AOPEP: variants seen among roughly 807,000 people sequenced by gnomAD.
AOPEP encodes the protein aminopeptidase O (putative).
A neutral mutation model predicts 98.1 loss-of-function variants in AOPEP; 77 were observed. The observed-to-expected ratio is 0.78, with a 90% CI of 0.65 to 0.95. The LOEUF is 0.95. Among genes scored for constraint, AOPEP ranks in the 40% least tolerant of loss-of-function variants. The pLI is 0.00. For synonymous variants in AOPEP, 346 were observed against 365.3 expected (o/e 0.95, Z 0.60); for missense variants, 1,024 against 1,024.7 (o/e 1.00, Z 0.01).
At chr9:94,778,872 C>A (rs1842720918) in intron 3 of AOPEP, among the ~76,000 whole-genome samples, 1 of 151,806 alleles carries the variant, frequency 6.6e-6, no homozygotes, top group Non-Finnish European at 1.5e-5. Flanking sequence ...TACAAAAATA[C>A]AAAAAAATTA....
At chr9:94,908,340 C>T (rs2051479085) in intron 5 of AOPEP, among the ~76,000 whole-genome samples, 1 of 152,304 alleles carries the variant, frequency 6.6e-6, no homozygotes, top group East Asian at 1.9e-4. Context: ...TCCCATCCCA[C>T]AGAGTAAATC....
intron 9 of AOPEP, among the ~76,000 whole-genome samples, chr9:94,961,213 A>AG (rs1005997035): frequency 6.6e-6 from 1 of 152,166 alleles, no homozygotes; most frequent in Non-Finnish European, 1.5e-5. Flanking sequence ...AGATGACAGA[A>AG]GAATTCTTTC....
At position 95,005,537 on chromosome 9, in the gene AOPEP, C is replaced by A; in HGVS notation, c.2041-5C>A. 2 of 1,613,554 alleles carry A rather than the reference C, an allele frequency of 1.2e-6. No individual in the cohort carries two copies. Among genetic ancestry groups the A allele is most frequent in the Non-Finnish European group, 1.7e-6 (2 of 1,179,626 alleles). Reference sequence around the variant, plus strand: ...CTTTGAAATGCTGTGGTTTTTGAACCTCAGGTCACGAAATGGATTGGAGTG... The same window carrying A: ...CTTTGAAATGCTGTGGTTTTTGAACATCAGGTCACGAAATGGATTGGAGTG... On this transcript the variant is annotated splice_polypyrimidine_tract_variant and splice_region_variant and intron_variant, in intron 12 of 16. Coordinates refer to ENST00000375315, the MANE Select transcript of AOPEP (RefSeq NM_001193329.3).
chr9:95,080,369 T>A (rs10821446), intron 14 of AOPEP, among the ~76,000 whole-genome samples: 30,614 of 151,866 alleles, frequency 0.2, 3,225 homozygotes, highest in Middle Eastern at 0.32. Context: ...CTACAAAAAT[T>A]AGTGGGGCAT....
At chr9:95,077,784 T>A (rs1372121154) in intron 14 of AOPEP, among the ~76,000 whole-genome samples, 2 of 152,230 alleles carry the variant, frequency 1.3e-5, no homozygotes, top group Non-Finnish European at 2.9e-5. Context: ...TAAGTGAGAC[T>A]GATGTCATCC....
At position 94,758,387 on chromosome 9, in the gene AOPEP, T is replaced by C. The variant is rs369659609; in HGVS notation, c.-135-1262T>C. ...TGCAGGAGGCAGGATTTTTTAAGGTTAGGTGAGATTTTGAAGAGGAAATAG... is the reference window on the plus strand; with the variant it reads ...TGCAGGAGGCAGGATTTTTTAAGGTCAGGTGAGATTTTGAAGAGGAAATAG... On this transcript the variant is annotated intron_variant, in intron 1 of 16. Coordinates refer to ENST00000375315, the MANE Select transcript of AOPEP (RefSeq NM_001193329.3). Among the ~76,000 whole-genome samples the C allele has an allele frequency of 2.6e-5, 4 of 152,290 alleles. No homozygotes were observed. In the East Asian group the frequency reaches 7.7e-4, roughly 29 times the overall value.
intron 14 of AOPEP, among the ~76,000 whole-genome samples, chr9:95,062,620 C>T (rs1265203418): frequency 2.0e-5 from 3 of 152,178 alleles, no homozygotes; most frequent in African/African-American, 4.8e-5. Context: ...AAAGGAGGGA[C>T]GAGATTACTA....
intron 13 of AOPEP, among the ~76,000 whole-genome samples, chr9:95,036,543 A>G (rs1783604558): frequency 1.3e-5 from 2 of 152,158 alleles, no homozygotes; most frequent in African/African-American, 4.8e-5. Context: ...AATATCTGCC[A>G]TAAAGTATGT....
chr9:94,986,700 A>G (rs1370001805), intron 11 of AOPEP, among the ~76,000 whole-genome samples: 1 of 152,064 alleles, frequency 6.6e-6, no homozygotes, highest in African/African-American at 2.4e-5. Flanking sequence ...CGTGTTGTGT[A>G]ACATTGGGGC....
At chr9:94,786,262 T>C (rs1414175815) in intron 3 of AOPEP, among the ~76,000 whole-genome samples, 1 of 152,206 alleles carries the variant, frequency 6.6e-6, no homozygotes, top group African/African-American at 2.4e-5. Context: ...CAAGATACTA[T>C]GATAATTCTC....
intron 5 of AOPEP, among the ~76,000 whole-genome samples, chr9:94,812,684 GC>G (rs1564180409): frequency 2.0e-5 from 3 of 152,106 alleles, no homozygotes; most frequent in Admixed American, 6.5e-5. Flanking sequence ...TTCACTCTGT[GC>G]CCCTGCCCTT....
chr9:94,851,091 T>C (rs2043491244), intron 5 of AOPEP, among the ~76,000 whole-genome samples: 1 of 152,200 alleles, frequency 6.6e-6, no homozygotes, highest in Admixed American at 6.5e-5. Flanking sequence ...TGACAGTCTA[T>C]ACTTGGAGGT....
At chr9:94,865,754 G>T (rs2045632167) in intron 5 of AOPEP, among the ~76,000 whole-genome samples, 1 of 152,180 alleles carries the variant, frequency 6.6e-6, no homozygotes, top group South Asian at 2.1e-4. Flanking sequence ...TATATGCATA[G>T]GTTCTCACAG....
Position 94,999,084 on chromosome 9 carries a change from C to T in AOPEP, c.1978-6074C>T, listed in dbSNP as rs543926985. 3.7e-3 allele frequency among the ~76,000 whole-genome samples: 566 copies of T among 151,756 alleles called. 3 individuals carry two copies. The highest frequency in any genetic ancestry group is 7.0e-3 in the Non-Finnish European group (476 of 67,944). On this transcript the variant is annotated intron_variant, in intron 11 of 16. Transcript: ENST00000375315. ...TTGTTAATGGAGATAAATCTTAGAA[C>T]CATAAGATTTTCCCAGATCCTCCCT...
intron 10 of AOPEP, among the ~76,000 whole-genome samples, chr9:94,968,931 A>G (rs2059369568): frequency 6.6e-6 from 1 of 152,076 alleles, no homozygotes; most frequent in South Asian, 2.1e-4. Flanking sequence ...ACATACAGAC[A>G]CTCATTTAAT....
intron 3 of AOPEP, among the ~76,000 whole-genome samples, chr9:94,788,300 A>G (rs1844885791): frequency 6.6e-6 from 1 of 152,046 alleles, no homozygotes; most frequent in Admixed American, 6.6e-5. Context: ...GCTGGTCTTG[A>G]ACTATTGGTC....
chr9:94,859,037 G>A (rs117243615), intron 5 of AOPEP, among the ~76,000 whole-genome samples: 1,305 of 36,188 alleles, frequency 0.036, 23 homozygotes, highest in African/African-American at 0.07. Context: ...CAAAAAAAAA[G>A]AAGACCTGGA....
intron 5 of AOPEP, among the ~76,000 whole-genome samples, chr9:94,860,274 G>A (rs1393816189): frequency 6.6e-6 from 1 of 152,158 alleles, no homozygotes; most frequent in Admixed American, 6.5e-5. Flanking sequence ...AGTGACCTAT[G>A]GGAAGATTGG....
At chr9:95,056,424 T>G (rs2066824195) in intron 13 of AOPEP, 1 of 152,368 alleles carries the variant, frequency 6.6e-6, no homozygotes. Flanking sequence ...ATGGGACATG[T>G]CCGTGGCATT....
Sources: allele counts gnomAD v4.1 joint callset (sites outside exome capture counted in the v4.1 genomes callset), GRCh38; gene constraint gnomAD v4.1.1; transcripts MANE v1.5; gene names NCBI Gene and HGNC (gene_info 2026-07-23, HGNC 2026-07-21).